The following FHIT variants were observed in gnomAD, a reference collection of about 807,000 sequenced individuals.
The protein encoded by FHIT is bis(5'-adenosyl)-triphosphatase.
In FHIT, 19 loss-of-function variants were observed where a neutral mutation model predicts 17.9. That is an observed-to-expected ratio of 1.06 (90% CI 0.74 to 1.56). FHIT has a LOEUF of 1.56. Ranked by LOEUF, FHIT falls within the 40% of genes most tolerant of loss-of-function variation. The pLI is 0.00. For missense variants in FHIT, 248 were observed against 189.2 expected, an observed-to-expected ratio of 1.31 and a Z score of -1.82; for synonymous variants, 81 against 69.7, an observed-to-expected ratio of 1.16 and a Z score of -0.81.
At chr3:60,437,377 A>G (rs983735562) in intron 5 of FHIT, among the ~76,000 whole-genome samples, 2 of 152,114 alleles carry the variant, frequency 1.3e-5, no homozygotes, top group Admixed American at 6.6e-5. Flanking sequence ...AATTCTCTCT[A>G]TATGTTCTTA....
intron 5 of FHIT, among the ~76,000 whole-genome samples, chr3:60,134,143 G>T (rs1053361362): frequency 6.6e-6 from 1 of 152,152 alleles, no homozygotes; most frequent in Non-Finnish European, 1.5e-5. Context: ...CTCAGTCACT[G>T]ATCCAACTAT....
At chr3:60,801,199 CCCAGTCCCCA>C (rs2106662025) in intron 4 of FHIT, among the ~76,000 whole-genome samples, 1 of 152,270 alleles carries the variant, frequency 6.6e-6, no homozygotes, top group Admixed American at 6.5e-5. Flanking sequence ...TCCACCAACT[CCCAGTCCCCA>C]CCAGTCAGGG....
intron 5 of FHIT, among the ~76,000 whole-genome samples, chr3:60,321,306 C>T (rs189911820): frequency 1.3e-5 from 2 of 152,066 alleles, no homozygotes; most frequent in East Asian, 1.9e-4. Context: ...ATGGTGAATC[C>T]CCATCTCTAA....
At chr3:61,072,837 C>G (rs939067973) in intron 2 of FHIT, among the ~76,000 whole-genome samples, 2 of 152,104 alleles carry the variant, frequency 1.3e-5, no homozygotes, top group Admixed American at 1.3e-4. Flanking sequence ...TTTTCTTTCT[C>G]TCACCTTCCA....
At chr3:60,607,269 A>G (rs2038637239) in intron 4 of FHIT, among the ~76,000 whole-genome samples, 1 of 152,040 alleles carries the variant, frequency 6.6e-6, no homozygotes, top group Admixed American at 6.6e-5. Context: ...CCACAGAAAT[A>G]GAAGCTTTGA....
intron 4 of FHIT, among the ~76,000 whole-genome samples, chr3:60,692,976 A>G (rs1169011855): frequency 6.6e-6 from 1 of 152,236 alleles, no homozygotes; most frequent in Non-Finnish European, 1.5e-5. Flanking sequence ...TGGCCACAGC[A>G]TAAGGGAATC....
At chr3:59,776,726 G>T (rs1051643880) in intron 8 of FHIT, among the ~76,000 whole-genome samples, 1 of 152,110 alleles carries the variant, frequency 6.6e-6, no homozygotes, top group Non-Finnish European at 1.5e-5. Context: ...GACATTTATT[G>T]AGCACTTACT....
At chr3:60,767,906 T>G (rs1553721946) in intron 4 of FHIT, among the ~76,000 whole-genome samples, 1 of 152,226 alleles carries the variant, frequency 6.6e-6, no homozygotes, top group East Asian at 1.9e-4. Flanking sequence ...CAGCTGTCTG[T>G]ATCAAATGAA....
intron 4 of FHIT, among the ~76,000 whole-genome samples, chr3:60,548,636 C>T (rs1462487115): frequency 6.6e-6 from 1 of 152,120 alleles, no homozygotes; most frequent in Non-Finnish European, 1.5e-5. Flanking sequence ...ATGTGGTCCT[C>T]TAAGTAGCAA....
chr3:60,826,742 T>C (rs1278728262), intron 3 of FHIT, among the ~76,000 whole-genome samples: 1 of 152,146 alleles, frequency 6.6e-6, no homozygotes, highest in Admixed American at 6.5e-5. Context: ...TGGTCTTCAC[T>C]GCATCCCCAC....
chr3:60,885,677 G>C (rs534878216), intron 3 of FHIT, among the ~76,000 whole-genome samples: 2 of 152,100 alleles, frequency 1.3e-5, no homozygotes, highest in South Asian at 2.1e-4. Flanking sequence ...AGTCACTTTG[G>C]CCTTTTTTCC....
chr3:59,807,910 C>T (rs1352515735), intron 8 of FHIT, among the ~76,000 whole-genome samples: 3 of 152,208 alleles, frequency 2.0e-5, no homozygotes, highest in African/African-American at 4.8e-5. Context: ...ATTTATATGT[C>T]TGTGGTGAAA....
chr3:60,633,546 T>C (rs1553682968), intron 4 of FHIT, among the ~76,000 whole-genome samples: 1 of 152,212 alleles, frequency 6.6e-6, no homozygotes, highest in African/African-American at 2.4e-5. Flanking sequence ...GATGGTGTTA[T>C]GTGAGGTCCT....
intron 5 of FHIT, among the ~76,000 whole-genome samples, chr3:60,072,971 C>T (rs1702846112): frequency 6.6e-6 from 1 of 152,156 alleles, no homozygotes. Context: ...CACTGTGTTA[C>T]TAAATGCCAG....
intron 7 of FHIT, among the ~76,000 whole-genome samples, chr3:59,927,463 T>TAAAAAAA (rs58083993): frequency 1.8e-4 from 24 of 130,260 alleles, no homozygotes; most frequent in Admixed American, 6.0e-4. Flanking sequence ...AGCTATTACT[T>TAAAAAAA]AAAAAAAAAA....
At chr3:60,319,510 A>C in intron 5 of FHIT, among the ~76,000 whole-genome samples, 1 of 152,092 alleles carries the variant, frequency 6.6e-6, no homozygotes, top group East Asian at 1.9e-4. Flanking sequence ...GGGATAACTG[A>C]CTGCCAGTAA....
At chr3:59,929,700 T>A (rs754261259) in intron 7 of FHIT, among the ~76,000 whole-genome samples, 1 of 152,130 alleles carries the variant, frequency 6.6e-6, no homozygotes, top group South Asian at 2.1e-4. Context: ...AACAATAAGA[T>A]TGTTTCCATT....
intron 5 of FHIT, among the ~76,000 whole-genome samples, chr3:60,107,150 C>CTTTTTTTTTTTTTTTTTTTTTTTTTTTAT (rs540311961): frequency 1.1e-5 from 1 of 95,158 alleles, no homozygotes. Context: ...AGCTTTAATT[C>CTTTTTTTTTTTTTTTTTTTTTTTTTTTAT]TTTTTTTTTT....
At chr3:59,813,461 A>G (rs1700478884) in intron 8 of FHIT, among the ~76,000 whole-genome samples, 1 of 152,218 alleles carries the variant, frequency 6.6e-6, no homozygotes, top group South Asian at 2.1e-4. Flanking sequence ...GAAGAGAGAA[A>G]TAATAATTCC....
Sources: allele counts gnomAD v4.1 joint callset (sites outside exome capture counted in the v4.1 genomes callset), GRCh38; gene constraint gnomAD v4.1.1; transcripts MANE v1.5; gene names NCBI Gene and HGNC (gene_info 2026-07-23, HGNC 2026-07-21).